Variants in EPN2 observed in about 807,000 individuals in gnomAD.
EPN2 encodes the protein epsin-2.
Under a neutral mutation model 61.7 loss-of-function variants are expected in EPN2, and 34 were observed. That is an observed-to-expected ratio of 0.55 (90% CI 0.42 to 0.73). EPN2 has a LOEUF of 0.73. Among genes scored for constraint, EPN2 ranks in the 30% least tolerant of loss-of-function variants. The probability of loss-of-function intolerance (pLI) is 0.00; values close to 1 mark genes in which losing one functional copy is unlikely to be tolerated. For synonymous variants in EPN2, 349 were observed against 353.6 expected (o/e 0.99, Z 0.15); for missense variants, 714 against 839.2 (o/e 0.85, Z 1.84).
At chr17:19,250,219 C>T (rs572452935) in intron 1 of EPN2, among the ~76,000 whole-genome samples, 7 of 151,950 alleles carry the variant, frequency 4.6e-5, no homozygotes, top group African/African-American at 9.7e-5. Context: ...CTCAGCCTCC[C>T]GAGTAGCTGG....
At chr17:19,309,527 C>G (rs966882485) in intron 4 of EPN2, among the ~76,000 whole-genome samples, 1 of 152,170 alleles carries the variant, frequency 6.6e-6, no homozygotes, top group Non-Finnish European at 1.5e-5. Flanking sequence ...TTCATCTGTT[C>G]AAGAGCTATA....
rs560148277 is a variant in EPN2, at chr17:19,240,278, C to T, written c.-294+2747C>T. 5.9e-5 allele frequency among the ~76,000 whole-genome samples: 9 copies of T among 151,904 alleles called. No homozygotes were observed. In the South Asian group the frequency reaches 6.2e-4, roughly 11 times the overall value. The stretch of plus-strand genomic sequence containing the variant: ...TTTTTTTTTTTGAGATGGCGTCTCA[C>T]GCTGTCACCCAGGCTGGAGTGCAGT... On this transcript the variant is annotated intron_variant, in intron 1 of 10. Coordinates refer to ENST00000314728, the MANE Select transcript of EPN2 (RefSeq NM_014964.5).
Position 19,335,172 on chromosome 17 carries a change from T to C in EPN2, c.*918T>C, listed in dbSNP as rs1907342825. On this transcript the variant is annotated 3_prime_UTR_variant, in exon 11 of 11. Coordinates refer to ENST00000314728, the MANE Select transcript of EPN2 (RefSeq NM_014964.5). ...GATTACACATAGATGATGATGTTTA[T>C]TTAAAAAAAAAACAACAGCAACAAA... 1 of 384,004 alleles carries C rather than the reference T, an allele frequency of 2.6e-6. No individual in the cohort carries two copies. The highest frequency in any genetic ancestry group is 4.7e-6 in the Non-Finnish European group (1 of 214,628). The allele number at this position is 384,004 out of a possible 1,614,324, so 23.8% of individuals were successfully genotyped here.
In EPN2 at chr17:19,291,427, ATTTTTTTTTTTTTTT is replaced by A. The variant is rs60753158; in HGVS notation, c.766+5651_766+5665del. On this transcript the variant is annotated intron_variant, in intron 4 of 10. Transcript: ENST00000314728. ...GGCTATCCACGGTTATCAGCCATTC[ATTTTTTTTTTTTTTT>A]TTTTTTTTTTTTTGAGACGGAGTCT... 1.0e-4 allele frequency among the ~76,000 whole-genome samples: 7 copies of A among 69,882 alleles called. No individual in the cohort carries two copies. The South Asian group carries it at 3.6e-3, about 36-fold the overall frequency. 45.8% of individuals were successfully genotyped at this position (69,882 alleles called of 152,430 possible).
intron 7 of EPN2, among the ~76,000 whole-genome samples, chr17:19,319,160 T>C (rs1272980164): frequency 3.3e-5 from 5 of 151,204 alleles, no homozygotes; most frequent in African/African-American, 1.2e-4. Context: ...ACCATGCCAC[T>C]GCACTCCAGC....
intron 4 of EPN2, among the ~76,000 whole-genome samples, chr17:19,303,082 T>A (rs1905613954): frequency 6.6e-6 from 1 of 152,230 alleles, no homozygotes; most frequent in Admixed American, 6.5e-5. Flanking sequence ...TGTGAACAGC[T>A]GTTTCCTCTG....
chr17:19,288,658 C>A (rs1424645160), intron 4 of EPN2, among the ~76,000 whole-genome samples: 1 of 151,992 alleles, frequency 6.6e-6, no homozygotes, highest in East Asian at 1.9e-4. Flanking sequence ...GGGGGTGGAG[C>A]GTGGCAGAGG....
At chr17:19,274,302 G>C (rs759113385) in intron 1 of EPN2, 3 of 152,190 alleles carry the variant, frequency 2.0e-5, no homozygotes, top group Non-Finnish European at 4.4e-5. Flanking sequence ...CCACACTGGT[G>C]GAACACTGTG....
intron 9 of EPN2, among the ~76,000 whole-genome samples, chr17:19,330,181 C>T (rs1907092199): frequency 6.6e-6 from 1 of 152,208 alleles, no homozygotes; most frequent in Non-Finnish European, 1.5e-5. Context: ...CCAAGGTGGG[C>T]CTGGAGGGGT....
intron 1 of EPN2, among the ~76,000 whole-genome samples, chr17:19,253,632 C>A (rs2045040199): frequency 6.6e-6 from 1 of 152,008 alleles, no homozygotes; most frequent in Non-Finnish European, 1.5e-5. Context: ...CTTCTAGGTT[C>A]AGGTGATCCG....
Position 19,310,571 on chromosome 17 carries a change from C to CTTTTTTTTTTTTT in EPN2, c.879+586_879+598dup, listed in dbSNP as rs71155391. Among the ~76,000 whole-genome samples the CTTTTTTTTTTTTT allele has an allele frequency of 2.2e-4, 18 of 80,916 alleles. 1 individual carries two copies. The highest frequency in any genetic ancestry group is 9.2e-4 in the East Asian group (2 of 2,182). The allele number at this position is 80,916 out of a possible 152,430, so 53.1% of individuals were successfully genotyped here. A position where few individuals can be genotyped will look rare whatever the true frequency, so the allele number is the denominator to read the frequency against. On this transcript the variant is annotated intron_variant, in intron 5 of 10. Coordinates refer to ENST00000314728, the MANE Select transcript of EPN2 (RefSeq NM_014964.5). ...TTTCTTTCTCTCTTTCTCCTTCTTT[C>CTTTTTTTTTTTTT]TTTTTTTTTTTTTTTTTTTTTTTTG...
At chr17:19,242,816 A>G (rs1229880383) in intron 1 of EPN2, among the ~76,000 whole-genome samples, 1 of 152,242 alleles carries the variant, frequency 6.6e-6, no homozygotes, top group East Asian at 1.9e-4. Context: ...GGGCTAATGC[A>G]TGATGTGGAT....
At chr17:19,278,345 G>A (rs983295381) in intron 1 of EPN2, among the ~76,000 whole-genome samples, 6 of 152,116 alleles carry the variant, frequency 3.9e-5, no homozygotes, top group African/African-American at 7.2e-5. Context: ...AGAAAAGGAG[G>A]TTTAATTGGA....
At chr17:19,307,922 A>G (rs1239818685) in intron 4 of EPN2, 1 of 985,276 alleles carries the variant, frequency 1.0e-6, no homozygotes, top group East Asian at 1.1e-4. Flanking sequence ...AATTATTCCT[A>G]ACCTTTTAGT....
At chr17:19,266,202 A>G (rs1007160201) in intron 1 of EPN2, among the ~76,000 whole-genome samples, 1 of 152,130 alleles carries the variant, frequency 6.6e-6, no homozygotes, top group Non-Finnish European at 1.5e-5. Context: ...TCCCAACATA[A>G]TTTTAAGTGG....
At chr17:19,245,638 T>C (rs1015487580) in intron 1 of EPN2, among the ~76,000 whole-genome samples, 2 of 151,432 alleles carry the variant, frequency 1.3e-5, no homozygotes, top group African/African-American at 4.9e-5. Context: ...GGTTTTGCCA[T>C]GTTAGCCAGG....
rs1286718618 is a variant in EPN2 at position 19,313,132 on chromosome 17, C to A, written c.1000C>A (p.Leu334Met). Reference sequence around the variant, plus strand: ...TGGCTCTCTCCCACAGCAGACTACGCTGTTGGATTTAATGGATGCTCTCCC... The same window carrying A: ...TGGCTCTCTCCCACAGCAGACTACGATGTTGGATTTAATGGATGCTCTCCC... The part of the protein sequence containing the change: ...EHGSLPQQTT[L>M]LDLMDALPSS... Residue 334 changes from leucine to methionine, a missense_variant, in exon 7 of 11, where the codon CTG (leucine) becomes ATG (methionine). Physicochemically the swap from Leu to Met is conservative, Grantham distance 15. Coordinates refer to ENST00000314728, the MANE Select transcript of EPN2 (RefSeq NM_014964.5). The A allele has an allele frequency of 6.2e-7, 1 of 1,613,916 alleles. No homozygotes were observed. Among genetic ancestry groups the A allele is most frequent in the Non-Finnish European group, 8.5e-7 (1 of 1,179,862 alleles).
In EPN2 at chr17:19,288,689, G is replaced by A. The variant is rs548188640; in HGVS notation, c.766+2899G>A. Among the ~76,000 whole-genome samples the A allele has an allele frequency of 5.3e-5, 8 of 152,262 alleles. No individual in the cohort carries two copies. The South Asian group carries it at 8.3e-4, about 16-fold the overall frequency. On this transcript the variant is annotated intron_variant, in intron 4 of 10. Coordinates refer to ENST00000314728, the MANE Select transcript of EPN2 (RefSeq NM_014964.5). ...AGAGGTGGGCCTGGAGGAGGTGTGG[G>A]GCAGGGCCTCTCAACTCTGTCTGGT...
Position 19,328,833 on chromosome 17 carries a change from A to G in EPN2, c.1270A>G (p.Arg424Gly), listed in dbSNP as rs751044570. The G allele has an allele frequency of 6.2e-7, 1 of 1,613,406 alleles. No individual in the cohort carries two copies. Among genetic ancestry groups the G allele is most frequent in the South Asian group, 1.1e-5 (1 of 90,930 alleles). The change falls in exon 8 of 11, where the codon AGA (arginine) becomes GGA (glycine). Residue 424 changes from arginine (R) to glycine (G), a missense_variant. Physicochemically the swap from Arg to Gly is moderately radical, Grantham distance 125. Transcript: ENST00000314728. The part of the protein sequence containing the change: ...SQQPASSAGK[R>G]ASDAWGAVST... Reference sequence around the variant, plus strand: ...GCAGCCTGCCTCCAGTGCTGGGAAAAGAGCTTCTGACGCGTGGGGCGCAGT... The same window carrying G: ...GCAGCCTGCCTCCAGTGCTGGGAAAGGAGCTTCTGACGCGTGGGGCGCAGT...
Sources: gnomAD v4.1 joint callset for allele counts (sites outside exome capture counted in the v4.1 genomes callset) on GRCh38, gnomAD v4.1.1 for gene constraint, MANE v1.5 for transcripts, NCBI Gene and HGNC (gene_info 2026-07-23, HGNC 2026-07-21) for gene names.